The following TACC2 variants were observed in gnomAD, a reference collection of about 807,000 sequenced individuals.
TACC2 encodes transforming acidic coiled-coil containing protein 2, also known as transforming acidic coiled-coil-containing protein 2.
TACC2 carries 137 observed loss-of-function variants against 227.3 expected under a neutral mutation model. The ratio of observed to expected loss-of-function variants is 0.60; its 90% CI spans 0.52 to 0.69. The LOEUF is 0.69. TACC2 is among the 30% of genes least tolerant of loss of function. The pLI, the probability that TACC2 is intolerant of heterozygous loss-of-function variation, is 0.00. For synonymous variants in TACC2, 1,523 were observed against 1,487.5 expected (o/e 1.02, Z -0.55); for missense variants, 3,470 against 3,694.4 (o/e 0.94, Z 1.57).
At chr10:122,022,605 G>C (rs1487131320) in intron 2 of TACC2, 1 of 152,260 alleles carries the variant, frequency 6.6e-6, no homozygotes, top group African/African-American at 2.4e-5. Context: ...TGACATAAGA[G>C]AGATTGGCAC....
intron 7 of TACC2, among the ~76,000 whole-genome samples, chr10:122,167,252 A>G (rs2093226267): frequency 1.3e-5 from 2 of 152,170 alleles, no homozygotes; most frequent in Admixed American, 6.5e-5. Flanking sequence ...GGAAACCCAT[A>G]CTCTGTAGAC....
intron 7 of TACC2, among the ~76,000 whole-genome samples, chr10:122,188,720 C>T (rs763294544): frequency 6.6e-6 from 1 of 152,248 alleles, no homozygotes; most frequent in Admixed American, 6.5e-5. Context: ...GCTGCTATAA[C>T]CTAGCGATGG....
chr10:122,211,694 G>A lies in TACC2; in HGVS notation c.7269G>A (p.Lys2423=), dbSNP rs571963100. Residue 2423 remains lysine (K), a synonymous_variant, in exon 9 of 23, where the codon AAG becomes AAA. Coordinates refer to ENST00000369005, the MANE Select transcript of TACC2 (RefSeq NM_206862.4). ...DGLNKPAKKK[K]TPLKTDTFRV... Reference sequence around the variant, plus strand: ...TAAACAAGCCCGCCAAGAAGAAGAAGACGCCCCTAAAGACGTAAGTTCAGG... The same window carrying A: ...TAAACAAGCCCGCCAAGAAGAAGAAAACGCCCCTAAAGACGTAAGTTCAGG... 2 of 1,555,992 alleles carry A rather than the reference G, an allele frequency of 1.3e-6. No homozygotes were observed. Among genetic ancestry groups the A allele is most frequent in the Admixed American group, 2.1e-5 (1 of 46,970 alleles).
At chr10:122,067,005 A>T (rs2077459418) in intron 3 of TACC2, among the ~76,000 whole-genome samples, 1 of 152,152 alleles carries the variant, frequency 6.6e-6, no homozygotes, top group African/African-American at 2.4e-5. Context: ...TTTGGTCTTT[A>T]TATATAAGCT....
At chr10:122,241,207 G>A (rs113076031) in intron 18 of TACC2, among the ~76,000 whole-genome samples, 32 of 152,344 alleles carry the variant, frequency 2.1e-4, no homozygotes, top group Middle Eastern at 3.4e-3. Flanking sequence ...ATGACGTGGT[G>A]TGGAAGGAGG....
At position 122,204,516 on chromosome 10, in the gene TACC2, A is replaced by G. The variant is rs116630939; in HGVS notation, c.5972-5881A>G. On this transcript the variant is annotated intron_variant, in intron 8 of 22. Coordinates refer to ENST00000369005, the MANE Select transcript of TACC2 (RefSeq NM_206862.4). ...GCTCATCTCTGGCTGACACCAGAGA[A>G]GTGACAGTCAGCAAAGCAGGACAGA... Among the ~76,000 whole-genome samples the G allele has an allele frequency of 4.0e-3, 611 of 152,270 alleles. 6 individuals are homozygous for G. The highest frequency in any genetic ancestry group is 0.014 in the African/African-American group (590 of 41,558).
chr10:122,242,134 C>T (rs1189510626), intron 19 of TACC2, 133 bp downstream of exon 19: 3 of 830,554 alleles, frequency 3.6e-6, no homozygotes, highest in Non-Finnish European at 6.1e-6. Context: ...CCAGAGCATT[C>T]CAGAAAATAT....
intron 1 of TACC2, among the ~76,000 whole-genome samples, chr10:121,993,734 T>G (rs1490117607): frequency 6.6e-6 from 1 of 152,156 alleles, no homozygotes; most frequent in African/African-American, 2.4e-5. Context: ...CAAGCGATAC[T>G]CCCACCTCAG....
intron 7 of TACC2, among the ~76,000 whole-genome samples, chr10:122,189,758 T>C (rs1310109524): frequency 6.6e-6 from 1 of 152,232 alleles, no homozygotes; most frequent in Non-Finnish European, 1.5e-5. Flanking sequence ...AACTTTAGAT[T>C]TCCAGGATGA....
intron 17 of TACC2, 85 bp downstream of exon 17, chr10:122,237,623 G>T: frequency 6.6e-7 from 1 of 1,504,762 alleles, no homozygotes; most frequent in Non-Finnish European, 9.0e-7. Flanking sequence ...AGTCTTTGGA[G>T]ACAGACTTTG....
chr10:122,012,742 C>T (rs951919306), intron 1 of TACC2, among the ~76,000 whole-genome samples: 13 of 152,018 alleles, frequency 8.6e-5, no homozygotes, highest in South Asian at 2.1e-4. Context: ...AGAGGAGGAG[C>T]CCCACAGAAG....
chr10:122,116,321 G>A (rs900860305), intron 5 of TACC2, among the ~76,000 whole-genome samples: 1 of 152,190 alleles, frequency 6.6e-6, no homozygotes, highest in Admixed American at 6.5e-5. Context: ...GTGTTATAGA[G>A]TTTCAGTCTG....
intron 3 of TACC2, among the ~76,000 whole-genome samples, chr10:122,060,057 C>A (rs1328675554): frequency 6.6e-6 from 1 of 152,176 alleles, no homozygotes; most frequent in East Asian, 1.9e-4. Flanking sequence ...AAAAGGCAGA[C>A]ATGGAAGACC....
chr10:122,086,965 C>G lies in TACC2; in HGVS notation c.4465C>G (p.Leu1489Val), dbSNP rs775971633. Residue 1489 changes from leucine (L) to valine (V), a missense_variant, in exon 4 of 23, where the codon CTG (leucine) becomes GTG (valine). This residue lies in a region of TACC2 where 1,924 missense variants were observed against 1,978.3 expected (regional missense o/e 0.97). Coordinates refer to ENST00000369005, the MANE Select transcript of TACC2 (RefSeq NM_206862.4). ...AGEAEISHLA[L>V]QDPASDKLLG... is the part of the protein sequence containing the mutation. ...AGAGGCTGAGATTTCCCATCTGGCTCTGCAAGATCCAGCTTCAGACAAGCT... is the reference window on the plus strand; with the variant it reads ...AGAGGCTGAGATTTCCCATCTGGCTGTGCAAGATCCAGCTTCAGACAAGCT... 3 of 1,613,988 alleles carry G rather than the reference C, an allele frequency of 1.9e-6. No individual in the cohort carries two copies. In the South Asian group the frequency reaches 3.3e-5, roughly 18 times the overall value.
At chr10:122,074,927 G>A (rs950020543) in intron 3 of TACC2, among the ~76,000 whole-genome samples, 7 of 152,144 alleles carry the variant, frequency 4.6e-5, no homozygotes, top group African/African-American at 1.7e-4. Context: ...GAAGTCATTC[G>A]CACAACATAT....
chr10:122,217,553 C>T lies in TACC2; in HGVS notation c.7546+725C>T, dbSNP rs552127626. Among the ~76,000 whole-genome samples, 12 of 149,858 alleles carry T rather than the reference C, an allele frequency of 8.0e-5. No individual in the cohort carries two copies. The East Asian group carries it at 2.0e-3, about 25-fold the overall frequency. On this transcript the variant is annotated intron_variant, in intron 11 of 22. Transcript: ENST00000369005. ...TCCTGGGTTCAAGCGATTCTCCTGCCTCAGCCTTGCGAGTAGCTGAGATTA... is the reference window on the plus strand; with the variant it reads ...TCCTGGGTTCAAGCGATTCTCCTGCTTCAGCCTTGCGAGTAGCTGAGATTA...
rs577636200 is a variant in TACC2 at position 122,134,633 on chromosome 10, T to C, written c.5699+1899T>C. On this transcript the variant is annotated intron_variant, in intron 6 of 22. Transcript: ENST00000369005. ...TGTCTGTCCTATTCCTCCCCCTCTT[T>C]GTCCCATTTGGCTCCCTGACCACCA... Among the ~76,000 whole-genome samples the C allele has an allele frequency of 2.0e-5, 3 of 152,314 alleles. No individual in the cohort carries two copies. The South Asian group carries it at 6.2e-4, about 32-fold the overall frequency.
chr10:122,089,290 C>G (rs1286441751), intron 5 of TACC2, among the ~76,000 whole-genome samples: 1 of 152,134 alleles, frequency 6.6e-6, no homozygotes, highest in Non-Finnish European at 1.5e-5. Context: ...CCCCAGCCCC[C>G]ACACCCGCCG....
chr10:122,178,448 G>A (rs758082631), intron 7 of TACC2, among the ~76,000 whole-genome samples: 2 of 151,968 alleles, frequency 1.3e-5, no homozygotes, highest in Non-Finnish European at 2.9e-5. Flanking sequence ...TGTTGGTCAG[G>A]CTGCTCTCAA....
Sources: gnomAD v4.1 joint callset for allele counts (sites outside exome capture counted in the v4.1 genomes callset) on GRCh38, gnomAD v4.1.1 for gene constraint, gnomAD v4.1.1 regional missense constraint, MANE v1.5 for transcripts, NCBI Gene and HGNC (gene_info 2026-07-23, HGNC 2026-07-21) for gene names.